Variants in GCNT1 observed in about 807,000 individuals in gnomAD.
GCNT1 encodes the protein beta-1,3-galactosyl-O-glycosyl-glycoprotein beta-1,6-N-acetylglucosaminyltransferase.
In GCNT1, 16 loss-of-function variants were observed where a neutral mutation model predicts 26.2. The observed-to-expected ratio is 0.61, with a 90% CI of 0.41 to 0.93. The LOEUF is 0.93. GCNT1 is among the 40% of genes least tolerant of loss of function. The pLI is 0.00. For synonymous variants in GCNT1, 183 were observed against 190.8 expected (o/e 0.96, Z 0.34); for missense variants, 477 against 526.7 (o/e 0.91, Z 0.92).
At chr9:76,402,862 TAG>T in the GCNT1 span, among the ~76,000 whole-genome samples, 4 of 152,268 alleles carry the variant, frequency 2.6e-5, no homozygotes, top group East Asian at 1.9e-4. Flanking sequence ...GTGTTTTTAG[TAG>T]AGACGGGGTT....
At chr9:76,482,376 C>G (rs1033428213) in intron 2 of GCNT1, among the ~76,000 whole-genome samples, 4 of 151,866 alleles carry the variant, frequency 2.6e-5, no homozygotes, top group Non-Finnish European at 5.9e-5. Context: ...GATCCCAGCA[C>G]TTTGGGAGGC....
At chr9:76,432,080 G>A (rs925784649) in intron 1 of GCNT1, among the ~76,000 whole-genome samples, 2 of 152,140 alleles carry the variant, frequency 1.3e-5, no homozygotes, top group African/African-American at 4.8e-5. Flanking sequence ...CTGCACTCCA[G>A]CCTGGGCAAC....
the GCNT1 span, chr9:76,393,900 G>A: frequency 6.9e-6 from 4 of 575,664 alleles, no homozygotes; most frequent in Non-Finnish European, 1.2e-5. Flanking sequence ...CTCGGAGCCA[G>A]AAGCAGGGAC....
At chr9:76,451,177 A>G (rs936006438) in intron 1 of GCNT1, among the ~76,000 whole-genome samples, 1 of 152,220 alleles carries the variant, frequency 6.6e-6, no homozygotes, top group African/African-American at 2.4e-5. Context: ...AATTTCTAAA[A>G]CAATTCAAAA....
intron 2 of GCNT1, among the ~76,000 whole-genome samples, chr9:76,499,803 T>G (rs1013611785): frequency 6.6e-6 from 1 of 152,202 alleles, no homozygotes; most frequent in African/African-American, 2.4e-5. Flanking sequence ...TTTTTACAAT[T>G]AAGCCAGTAT....
At chr9:76,444,717 C>A (rs1823547684) in intron 1 of GCNT1, among the ~76,000 whole-genome samples, 1 of 152,184 alleles carries the variant, frequency 6.6e-6, no homozygotes, top group Admixed American at 6.5e-5. Flanking sequence ...CAGGTTCTTC[C>A]AGAAACTCCC....
chr9:76,496,117 T>C (rs1678523256), intron 2 of GCNT1, among the ~76,000 whole-genome samples: 1 of 152,242 alleles, frequency 6.6e-6, no homozygotes, highest in South Asian at 2.1e-4. Flanking sequence ...GGCTATTCAC[T>C]GTGCCTGGGT....
intron 2 of GCNT1, among the ~76,000 whole-genome samples, chr9:76,478,543 C>A (rs890162526): frequency 1.3e-5 from 2 of 152,162 alleles, no homozygotes; most frequent in African/African-American, 4.8e-5. Flanking sequence ...GAGTAAGACC[C>A]AGAACCCACC....
chr9:76,465,792 A>G (rs1823980131), intron 2 of GCNT1, among the ~76,000 whole-genome samples: 1 of 152,206 alleles, frequency 6.6e-6, no homozygotes, highest in Admixed American at 6.5e-5. Flanking sequence ...ATCAGCAAGA[A>G]GGTGGTGATT....
chr9:76,489,832 AG>A (rs778086792), intron 2 of GCNT1, among the ~76,000 whole-genome samples: 38 of 152,308 alleles, frequency 2.5e-4, no homozygotes, highest in Non-Finnish European at 4.9e-4. Context: ...AGCTAAGAAG[AG>A]GCCCTGCAGT....
chr9:76,434,594 G>T (rs908102724), intron 1 of GCNT1, among the ~76,000 whole-genome samples: 3 of 151,316 alleles, frequency 2.0e-5, no homozygotes. Flanking sequence ...TGTAAAACAT[G>T]TGTGTTTGAA....
intron 2 of GCNT1, among the ~76,000 whole-genome samples, chr9:76,480,266 C>A (rs62565115): frequency 4.6e-5 from 7 of 151,518 alleles, no homozygotes; most frequent in Non-Finnish European, 8.8e-5. Context: ...AGCCTTGTAG[C>A]ATAGTTTGAA....
the GCNT1 span, among the ~76,000 whole-genome samples, chr9:76,410,349 T>A: frequency 6.6e-6 from 1 of 152,176 alleles, no homozygotes; most frequent in South Asian, 2.1e-4. Context: ...GGAGAATCGC[T>A]TGAACCCAGG....
intron 2 of GCNT1, among the ~76,000 whole-genome samples, chr9:76,466,705 T>C (rs1824003980): frequency 6.6e-6 from 1 of 152,116 alleles, no homozygotes; most frequent in African/African-American, 2.4e-5. Context: ...AGTGCAGAAT[T>C]TGGTCTTTGA....
chr9:76,434,969 C>T (rs1036576448), intron 1 of GCNT1, among the ~76,000 whole-genome samples: 6 of 152,118 alleles, frequency 3.9e-5, no homozygotes, highest in African/African-American at 1.4e-4. Context: ...CAGACCAGTT[C>T]TCTGCTCTCG....
At chr9:76,433,620 G>A (rs1053471636) in intron 1 of GCNT1, among the ~76,000 whole-genome samples, 37 of 152,224 alleles carry the variant, frequency 2.4e-4, no homozygotes, top group African/African-American at 8.7e-4. Context: ...TGCAGTCGCG[G>A]TGGCCACAGG....
chr9:76,445,155 T>C (rs140795609), intron 1 of GCNT1, among the ~76,000 whole-genome samples: 81 of 152,190 alleles, frequency 5.3e-4, no homozygotes, highest in African/African-American at 1.8e-3. Flanking sequence ...AACGATTCTG[T>C]GGAGAGAAAA....
At chr9:76,489,301 G>C (rs7025622) in intron 2 of GCNT1, among the ~76,000 whole-genome samples, 3,830 of 152,238 alleles carry the variant, frequency 0.025, 139 homozygotes, top group African/African-American at 0.088. Flanking sequence ...GTCTGGAGTT[G>C]GTTCCTTCTG....
Position 76,503,627 on chromosome 9 carries a change from G to A in GCNT1, c.1246G>A (p.Glu416Lys). 1.2e-6 allele frequency: 2 copies of A among 1,614,002 alleles called. No individual in the cohort carries two copies. The highest frequency in any genetic ancestry group is 1.7e-6 in the Non-Finnish European group (2 of 1,179,998). The change falls in exon 4 of 4, where the codon GAG (glutamate) becomes AAG (lysine). Residue 416 changes from glutamate (E) to lysine (K), a missense_variant. By Grantham distance (56) the Glu-to-Lys change is moderately conservative. Coordinates refer to ENST00000376730, the MANE Select transcript of GCNT1 (RefSeq NM_001490.5). ...CCTCTTTGCCATCCAGTGTTTGGAT[G>A]AGCATTTGAGACACAAAGCTTTGGA... Reference protein sequence around the residue: ...VDLFAIQCLDEHLRHKALETL... With the variant: ...VDLFAIQCLDKHLRHKALETL...
Sources: gnomAD v4.1 joint callset for allele counts (sites outside exome capture counted in the v4.1 genomes callset) on GRCh38, gnomAD v4.1.1 for gene constraint, MANE v1.5 for transcripts, NCBI Gene and HGNC (gene_info 2026-07-23, HGNC 2026-07-21) for gene names.